The following MSR1 variants were observed in gnomAD, a reference collection of about 807,000 sequenced individuals.
The protein encoded by MSR1 is macrophage scavenger receptor 1.
In MSR1, 53 loss-of-function variants were observed where a neutral mutation model predicts 47.2. That is an observed-to-expected ratio of 1.12 (90% confidence interval 0.90 to 1.41). The LOEUF (loss-of-function observed/expected upper bound fraction) is 1.41, where lower values mean the gene tolerates loss of function less well. Among genes scored for constraint, MSR1 ranks in the 40% most tolerant of loss-of-function variants. The probability of loss-of-function intolerance (pLI) is 0.00; values close to 1 mark genes in which losing one functional copy is unlikely to be tolerated. For missense variants in MSR1, 786 were observed against 546.9 expected (o/e 1.44, Z -4.36); for synonymous variants, 239 against 185.6 (o/e 1.29, Z -2.34).
intron 8 of MSR1, among the ~76,000 whole-genome samples, chr8:16,142,983 T>C (rs1800600300): frequency 6.6e-6 from 1 of 152,156 alleles, no homozygotes; most frequent in Non-Finnish European, 1.5e-5. Context: ...ATCTAATATT[T>C]AGTATTTAAG....
chr8:16,116,594 T>TA (rs769374345), intron 9 of MSR1, among the ~76,000 whole-genome samples: 3 of 150,960 alleles, frequency 2.0e-5, no homozygotes, highest in East Asian at 1.9e-4. Flanking sequence ...TATTTAAGTT[T>TA]AAAAAAAACC....
chr8:16,174,919 C>T (rs1159524628), intron 3 of MSR1, among the ~76,000 whole-genome samples: 2 of 151,960 alleles, frequency 1.3e-5, no homozygotes, highest in Admixed American at 1.3e-4. Context: ...AAAGAGCGTC[C>T]TTTTCATTTT....
At chr8:16,140,419 T>C (rs957246362) in intron 8 of MSR1, 9 of 985,458 alleles carry the variant, frequency 9.1e-6, no homozygotes, top group Admixed American at 6.1e-5. Context: ...ATTTTTCCTA[T>C]CATTGTATGA....
At chr8:16,113,849 G>A (rs886988200) in intron 9 of MSR1, among the ~76,000 whole-genome samples, 1 of 152,044 alleles carries the variant, frequency 6.6e-6, no homozygotes, top group Non-Finnish European at 1.5e-5. Flanking sequence ...CATGGTATGA[G>A]AGAAAGGTTA....
At chr8:16,121,882 C>T (rs113828560) in intron 8 of MSR1, among the ~76,000 whole-genome samples, 19 of 151,854 alleles carry the variant, frequency 1.3e-4, no homozygotes, top group African/African-American at 3.9e-4. Flanking sequence ...TTTGTTAGAA[C>T]GGTAATCTAA....
At chr8:16,168,332 T>TA (rs1377105214) in intron 4 of MSR1, 126 bp downstream of exon 4, 23 of 902,258 alleles carry the variant, frequency 2.5e-5, no homozygotes, top group Non-Finnish European at 3.5e-5. Context: ...AAGTTAGCCA[T>TA]AGAAATCAGG....
rs1485200598 is a variant in MSR1, at chr8:16,161,610, AT to A, written c.817+2454del. Among the ~76,000 whole-genome samples, 7 of 152,116 alleles carry A rather than the reference AT, an allele frequency of 4.6e-5. No homozygotes were observed. The East Asian group carries it at 1.4e-3, about 29-fold the overall frequency. On this transcript the variant is annotated intron_variant, in intron 5 of 9. Transcript: ENST00000262101. ...ACCTAGATGTTCCCCTATCTCATTC[AT>A]CTATTTCCTTTTCATAGATAAATAT...
chr8:16,164,298 T>G (rs1801244160), intron 4 of MSR1, 47 bp from the exon 5 acceptor site: 1 of 1,527,332 alleles, frequency 6.5e-7, no homozygotes, highest in Admixed American at 1.7e-5. Context: ...CATACATAAT[T>G]ATCAAATATG....
At chr8:16,161,002 C>T (rs1472967983) in intron 5 of MSR1, among the ~76,000 whole-genome samples, 1 of 150,332 alleles carries the variant, frequency 6.7e-6, no homozygotes, top group Non-Finnish European at 1.5e-5. Context: ...CCACACACAT[C>T]CAGTAATTTG....
rs1336075449 is a variant in MSR1, at chr8:16,142,029, T to C, written c.1033+1529A>G. 3.3e-5 allele frequency among the ~76,000 whole-genome samples: 5 copies of C among 151,546 alleles called. No homozygotes were observed. In the South Asian group the frequency reaches 1.0e-3, roughly 32 times the overall value. On this transcript the variant is annotated intron_variant, in intron 8 of 9. Transcript: ENST00000262101. ...AGGAGAAAGAAAGAAGTAAGTCGAG[T>C]AAAAAGTACACAGCAGGTGGGCCAG...
chr8:16,161,712 T>C (rs1234404573), intron 5 of MSR1, among the ~76,000 whole-genome samples: 1 of 152,002 alleles, frequency 6.6e-6, no homozygotes, highest in East Asian at 1.9e-4. Flanking sequence ...TGTCTGTAAA[T>C]TTACATAATT....
intron 1 of MSR1, among the ~76,000 whole-genome samples, chr8:16,180,496 A>T (rs1192187089): frequency 6.6e-6 from 1 of 152,146 alleles, no homozygotes; most frequent in Non-Finnish European, 1.5e-5. Flanking sequence ...GGTGATTATG[A>T]CTTCTTTTGT....
intron 8 of MSR1, among the ~76,000 whole-genome samples, chr8:16,129,431 G>A (rs182253523): frequency 2.6e-5 from 4 of 152,032 alleles, no homozygotes; most frequent in Admixed American, 6.6e-5. Flanking sequence ...CAACTGTGTC[G>A]TTCTAGGAAA....
chr8:16,112,743 T>C (rs1301791492), intron 9 of MSR1, among the ~76,000 whole-genome samples: 3 of 151,928 alleles, frequency 2.0e-5, no homozygotes, highest in Non-Finnish European at 4.4e-5. Context: ...TTTTTGTGCC[T>C]CTGAACTATT....
chr8:16,111,638 G>A (rs1799758479), intron 9 of MSR1, among the ~76,000 whole-genome samples: 1 of 152,148 alleles, frequency 6.6e-6, no homozygotes, highest in African/African-American at 2.4e-5. Flanking sequence ...AGAAATTGCA[G>A]TAAGGGAATT....
chr8:16,168,437 T>C, intron 4 of MSR1, 21 bp downstream of exon 4: 1 of 1,613,678 alleles, frequency 6.2e-7, no homozygotes, highest in Non-Finnish European at 8.5e-7. Context: ...GCAAGTGACC[T>C]TGCAGTCCAC....
chr8:16,120,302 G>C (rs1799968621), intron 9 of MSR1, 116 bp downstream of exon 9: 1 of 1,063,466 alleles, frequency 9.4e-7, no homozygotes, highest in Non-Finnish European at 1.4e-6. Context: ...GCTTGAATCC[G>C]GGAGGCAGAG....
At position 16,140,991 on chromosome 8, in the gene MSR1, C is replaced by T. The variant is rs372440960; in HGVS notation, c.1033+2567G>A. 1.9e-6 allele frequency: 3 copies of T among 1,613,812 alleles called. No homozygotes were observed. In the Admixed American group the frequency reaches 5.0e-5, roughly 27 times the overall value. ...TGGTAGCAGAGGATGTCCCGCCCAA[C>T]CCACCTGATCTTAAGAGGGCCCTGC... On this transcript the variant is annotated intron_variant, in intron 8 of 9. Coordinates refer to ENST00000262101, the MANE Select transcript of MSR1 (RefSeq NM_138715.3).
chr8:16,125,137 T>C (rs1218925971), intron 8 of MSR1, among the ~76,000 whole-genome samples: 4 of 152,274 alleles, frequency 2.6e-5, no homozygotes, highest in Admixed American at 1.3e-4. Context: ...AAATCTGATC[T>C]TGTCAGCTCA....
Sources: allele counts gnomAD v4.1 joint callset (sites outside exome capture counted in the v4.1 genomes callset), GRCh38; gene constraint gnomAD v4.1.1; transcripts MANE v1.5; gene names NCBI Gene and HGNC (gene_info 2026-07-23, HGNC 2026-07-21).